Variants in NIM1K observed in about 807,000 individuals in gnomAD.
The protein encoded by NIM1K is serine/threonine-protein kinase NIM1.
A neutral mutation model predicts 37.1 loss-of-function variants in NIM1K; 35 were observed. That is an observed-to-expected ratio of 0.94 (90% CI 0.72 to 1.25). The LOEUF is 1.25. Ranked by LOEUF, NIM1K falls within the 50% of genes most tolerant of loss-of-function variation. The pLI is 0.00. For synonymous variants in NIM1K, 234 were observed against 206.6 expected (o/e 1.13, Z -1.14); for missense variants, 564 against 548.0 (o/e 1.03, Z -0.29).
At chr5:43,264,228 G>T (rs183844545) in intron 2 of NIM1K, among the ~76,000 whole-genome samples, 4,865 of 152,174 alleles carry the variant, frequency 0.032, 288 homozygotes, top group African/African-American at 0.11. Flanking sequence ...GGGTGTCAAA[G>T]CCTCCCATTA....
At chr5:43,279,910 A>G in intron 3 of NIM1K, 70 bp from the exon 4 acceptor site, 16 of 1,239,396 alleles carry the variant, frequency 1.3e-5, no homozygotes, top group Non-Finnish European at 1.6e-5. Context: ...ACTGTTTCAG[A>G]GCAACTGATA....
intron 2 of NIM1K, among the ~76,000 whole-genome samples, chr5:43,263,822 C>A (rs1166988769): frequency 1.3e-5 from 2 of 152,136 alleles, no homozygotes; most frequent in Non-Finnish European, 2.9e-5. Context: ...TACGTTGTGT[C>A]TGTGTTCTTA....
chr5:43,205,791 C>T (rs10045460), intron 1 of NIM1K, among the ~76,000 whole-genome samples: 10,334 of 152,164 alleles, frequency 0.068, 721 homozygotes, highest in African/African-American at 0.18. Flanking sequence ...TGGCTCACTG[C>T]AAGCTCCACC....
chr5:43,278,665 G>C (rs1295310717), intron 3 of NIM1K, among the ~76,000 whole-genome samples: 1 of 152,194 alleles, frequency 6.6e-6, no homozygotes, highest in African/African-American at 2.4e-5. Flanking sequence ...AGCAAGAACT[G>C]GGATCAGTGA....
chr5:43,255,116 T>C (rs941041863), intron 2 of NIM1K, among the ~76,000 whole-genome samples: 11 of 152,168 alleles, frequency 7.2e-5, no homozygotes, highest in Non-Finnish European at 4.4e-5. Context: ...GCATATACAC[T>C]GGGCAGAAGA....
At chr5:43,278,668 A>G (rs1753392223) in intron 3 of NIM1K, among the ~76,000 whole-genome samples, 1 of 152,184 alleles carries the variant, frequency 6.6e-6, no homozygotes, top group South Asian at 2.1e-4. Flanking sequence ...AAGAACTGGG[A>G]TCAGTGAGCC....
intron 1 of NIM1K, among the ~76,000 whole-genome samples, chr5:43,221,447 CAAAA>C (rs55658060): frequency 4.0e-5 from 5 of 124,112 alleles, no homozygotes; most frequent in African/African-American, 1.3e-4. Flanking sequence ...GAGACTGTCT[CAAAA>C]AAAAAAAAAA....
At chr5:43,221,407 C>T (rs1157957350) in intron 1 of NIM1K, among the ~76,000 whole-genome samples, 10 of 141,618 alleles carry the variant, frequency 7.1e-5, no homozygotes, top group Middle Eastern at 3.5e-3. Flanking sequence ...GCCAAGACTG[C>T]GCCACTGCAC....
At chr5:43,273,275 C>T (rs1335261134) in intron 2 of NIM1K, among the ~76,000 whole-genome samples, 1 of 151,566 alleles carries the variant, frequency 6.6e-6, no homozygotes, top group Admixed American at 6.6e-5. Context: ...GTGATCTTGG[C>T]TCACTGCAAC....
chr5:43,220,859 C>A (rs547632189), intron 1 of NIM1K, among the ~76,000 whole-genome samples: 4 of 151,804 alleles, frequency 2.6e-5, no homozygotes, highest in Non-Finnish European at 5.9e-5. Flanking sequence ...TTGAAGAAGC[C>A]GAGAGAAGAA....
chr5:43,275,299 A>T lies in NIM1K; in HGVS notation c.293-1758A>T, dbSNP rs1207836634. Among the ~76,000 whole-genome samples the T allele has an allele frequency of 2.6e-5, 4 of 152,288 alleles. No individual in the cohort carries two copies. In the East Asian group the frequency reaches 7.7e-4, roughly 29 times the overall value. ...GATAGCTTCATGGTGTGAAATTATAAAATTAGACCTACCACACTCTATTTT... is the reference window on the plus strand; with the variant it reads ...GATAGCTTCATGGTGTGAAATTATATAATTAGACCTACCACACTCTATTTT... On this transcript the variant is annotated intron_variant, in intron 2 of 3. Transcript: ENST00000326035.
chr5:43,277,458 G>T, intron 3 of NIM1K, 133 bp downstream of exon 3: 1 of 929,544 alleles, frequency 1.1e-6, no homozygotes, highest in Non-Finnish European at 1.6e-6. Context: ...CCTTCTGAGA[G>T]TCAGAAGTCT....
chr5:43,197,234 T>G (rs1751931325), intron 1 of NIM1K, among the ~76,000 whole-genome samples: 1 of 152,218 alleles, frequency 6.6e-6, no homozygotes, highest in Middle Eastern at 3.4e-3. Flanking sequence ...GCACAAGTGA[T>G]CCTCTCATTT....
At chr5:43,267,100 A>T (rs1361661585) in intron 2 of NIM1K, among the ~76,000 whole-genome samples, 3 of 152,120 alleles carry the variant, frequency 2.0e-5, no homozygotes, top group Non-Finnish European at 1.5e-5. Flanking sequence ...GTTGCTGGCA[A>T]TTTCAATCAG....
chr5:43,200,757 C>T (rs1240144688), intron 1 of NIM1K, among the ~76,000 whole-genome samples: 2 of 152,034 alleles, frequency 1.3e-5, no homozygotes, highest in Admixed American at 6.6e-5. Context: ...TCAGCTGGTC[C>T]GGATGGAGAG....
At chr5:43,236,648 T>A (rs1014340372) in intron 1 of NIM1K, among the ~76,000 whole-genome samples, 2 of 152,238 alleles carry the variant, frequency 1.3e-5, no homozygotes, top group African/African-American at 4.8e-5. Context: ...GTAGAACTCC[T>A]GCACTGTTCT....
intron 2 of NIM1K, 132 bp from the exon 3 acceptor site, chr5:43,276,925 C>G (rs763437910): frequency 4.4e-5 from 38 of 869,966 alleles, no homozygotes; most frequent in Non-Finnish European, 6.6e-5. Context: ...CTTTGTCATT[C>G]CCTGATGAGC....
At chr5:43,204,776 G>A (rs1356572699) in intron 1 of NIM1K, among the ~76,000 whole-genome samples, 2 of 152,088 alleles carry the variant, frequency 1.3e-5, no homozygotes, top group Non-Finnish European at 2.9e-5. Context: ...GGAGGCTGAG[G>A]CGGGTGGATT....
At chr5:43,256,823 G>A (rs1042776667) in intron 2 of NIM1K, among the ~76,000 whole-genome samples, 1 of 152,154 alleles carries the variant, frequency 6.6e-6, no homozygotes, top group Non-Finnish European at 1.5e-5. Context: ...CTCTTAGCAG[G>A]ATTCACTGGA....
Sources: gnomAD v4.1 joint callset for allele counts (sites outside exome capture counted in the v4.1 genomes callset) on GRCh38, gnomAD v4.1.1 for gene constraint, MANE v1.5 for transcripts, NCBI Gene and HGNC (gene_info 2026-07-23, HGNC 2026-07-21) for gene names.